PSEN1: variants seen among roughly 807,000 people sequenced by gnomAD.
PSEN1 encodes the protein presenilin 1.
Under a neutral mutation model 53.5 loss-of-function variants are expected in PSEN1, and 15 were observed. That is an observed-to-expected ratio of 0.28 (90% confidence interval 0.19 to 0.43). The LOEUF (loss-of-function observed/expected upper bound fraction) is 0.43. Among genes scored for constraint, PSEN1 ranks in the 20% least tolerant of loss-of-function variants. PSEN1 has a pLI of 1.00. For missense variants in PSEN1, 387 were observed against 571.2 expected (o/e 0.68, Z 3.29); for synonymous variants, 208 against 209.8 (o/e 0.99, Z 0.08).
chr14:73,210,158 C>T (rs1380770609), intron 9 of PSEN1, among the ~76,000 whole-genome samples: 1 of 152,086 alleles, frequency 6.6e-6, no homozygotes, highest in Non-Finnish European at 1.5e-5. Context: ...GAGAGATTAC[C>T]TGATGTGGTT....
At chr14:73,136,789 GGA>G (rs936243369) in intron 1 of PSEN1, 1 of 152,586 alleles carries the variant, frequency 6.6e-6, no homozygotes, top group African/African-American at 2.4e-5. Flanking sequence ...GCGGCCGGGT[GGA>G]GAGAGATTCC....
At chr14:73,173,896 T>TAATG (rs1897968202) in intron 5 of PSEN1, 189 bp downstream of exon 5, 1 of 728,648 alleles carries the variant, frequency 1.4e-6, no homozygotes, top group Non-Finnish European at 2.4e-6. Flanking sequence ...GGTGCATGTG[T>TAATG]AATGCCAGGC....
chr14:73,164,175 T>G (rs1380787202), intron 3 of PSEN1, among the ~76,000 whole-genome samples: 1 of 152,146 alleles, frequency 6.6e-6, no homozygotes, highest in Non-Finnish European at 1.5e-5. Context: ...ATTCCTAGAT[T>G]CGGGACTTCC....
At chr14:73,167,698 A>G (rs1897757203) in intron 3 of PSEN1, 1 of 150,870 alleles carries the variant, frequency 6.6e-6, no homozygotes, top group African/African-American at 2.4e-5. Context: ...CTGTGACATG[A>G]TAGGTATGCT....
chr14:73,157,844 G>A (rs1258019177), intron 3 of PSEN1, among the ~76,000 whole-genome samples: 1 of 152,030 alleles, frequency 6.6e-6, no homozygotes, highest in Non-Finnish European at 1.5e-5. Flanking sequence ...AAATTAGCCA[G>A]GGGTGGTGGC....
At chr14:73,169,585 T>C (rs1349585955) in intron 3 of PSEN1, 1 of 152,230 alleles carries the variant, frequency 6.6e-6, no homozygotes, top group African/African-American at 2.4e-5. Context: ...TTCCTTATGC[T>C]AGAAATCTCA....
intron 8 of PSEN1, among the ~76,000 whole-genome samples, chr14:73,200,374 A>G (rs1193170261): frequency 1.3e-5 from 2 of 151,958 alleles, no homozygotes; most frequent in Admixed American, 6.6e-5. Flanking sequence ...GGTTCAAGCA[A>G]TTCTCCTCTC....
At chr14:73,181,893 C>T (rs1003470370) in intron 5 of PSEN1, among the ~76,000 whole-genome samples, 4 of 152,142 alleles carry the variant, frequency 2.6e-5, no homozygotes, top group African/African-American at 9.7e-5. Context: ...CCCACCTCAA[C>T]CTCCATGGTA....
intron 11 of PSEN1, among the ~76,000 whole-genome samples, chr14:73,218,475 T>C (rs912396285): frequency 6.6e-6 from 1 of 152,232 alleles, no homozygotes; most frequent in African/African-American, 2.4e-5. Context: ...GAAGACTTTC[T>C]AGTGTTTCCG....
intron 8 of PSEN1, among the ~76,000 whole-genome samples, chr14:73,201,756 A>T (rs568547787): frequency 5.9e-5 from 9 of 151,838 alleles, no homozygotes; most frequent in East Asian, 1.9e-4. Context: ...TTATTTATTT[A>T]TTTTTTTTGA....
intron 1 of PSEN1, among the ~76,000 whole-genome samples, chr14:73,141,105 A>G (rs750602143): frequency 6.6e-6 from 1 of 152,228 alleles, no homozygotes; most frequent in Non-Finnish European, 1.5e-5. Flanking sequence ...GCATTGACCA[A>G]AGCAAGTCAC....
At chr14:73,168,345 ACT>A (rs1491317677) in intron 3 of PSEN1, 2 of 150,284 alleles carry the variant, frequency 1.3e-5, no homozygotes, top group Admixed American at 6.7e-5. Context: ...ACCGAGTGAG[ACT>A]CTGTCTCAAA....
At chr14:73,203,279 G>T (rs1313128293) in intron 8 of PSEN1, among the ~76,000 whole-genome samples, 1 of 151,930 alleles carries the variant, frequency 6.6e-6, no homozygotes, top group Non-Finnish European at 1.5e-5. Context: ...GTAGAGAGAG[G>T]GTTTCACCAT....
intron 3 of PSEN1, among the ~76,000 whole-genome samples, chr14:73,161,534 G>T (rs1293569904): frequency 6.6e-6 from 1 of 152,134 alleles, no homozygotes; most frequent in Non-Finnish European, 1.5e-5. Flanking sequence ...ACATTGAAAT[G>T]ATATGGATTA....
chr14:73,167,912 T>C (rs928005680), intron 3 of PSEN1: 1 of 151,700 alleles, frequency 6.6e-6, no homozygotes, highest in Non-Finnish European at 1.5e-5. Context: ...TATGATTTTA[T>C]GACCTTGATA....
chr14:73,184,502 C>T (rs868767612), intron 5 of PSEN1, among the ~76,000 whole-genome samples: 6,851 of 101,416 alleles, frequency 0.068, 377 homozygotes, highest in South Asian at 0.11. Context: ...GACGGGGCGG[C>T]TGGCCGGGCG....
chr14:73,209,668 G>A (rs918773689), intron 9 of PSEN1, among the ~76,000 whole-genome samples: 6 of 152,188 alleles, frequency 3.9e-5, no homozygotes, highest in Non-Finnish European at 5.9e-5. Context: ...CAAAGAAGAC[G>A]TATAAGTTGC....
At position 73,170,989 on chromosome 14, in the gene PSEN1, G is replaced by A. The variant is rs63750831; in HGVS notation, c.280G>A (p.Val94Met). The A allele has an allele frequency of 5.0e-6, 8 of 1,614,234 alleles. No individual in the cohort carries two copies. In the Admixed American group the frequency reaches 5.0e-5, roughly 10 times the overall value. The change falls in exon 4 of 12, where the codon GTG (valine) becomes ATG (methionine). Residue 94 changes from valine (V) to methionine (M), a missense_variant. By Grantham distance (21) the Val-to-Met change is conservative. Coordinates refer to ENST00000324501, the MANE Select transcript of PSEN1 (RefSeq NM_000021.4). ...CTTTGTCCCTGTGACTCTCTGCATG[G>A]TGGTGGTCGTGGCTACCATTAAGTC... ...MLFVPVTLCM[V>M]VVVATIKSVS...
rs531608522 is a variant in PSEN1 at position 73,155,497 on chromosome 14, A to G, written c.87+7391A>G. ...ATATGTCTAGCATAGAATCAAATAT[A>G]TATTATCATTATTATTTTTTTTTTG... On this transcript the variant is annotated intron_variant, in intron 3 of 11. Coordinates refer to ENST00000324501, the MANE Select transcript of PSEN1 (RefSeq NM_000021.4). 2.1e-4 allele frequency among the ~76,000 whole-genome samples: 32 copies of G among 152,182 alleles called. 1 individual carries two copies. In the South Asian group the frequency reaches 5.4e-3, roughly 26 times the overall value.
Sources: gnomAD v4.1 joint callset for allele counts (sites outside exome capture counted in the v4.1 genomes callset) on GRCh38, gnomAD v4.1.1 for gene constraint, MANE v1.5 for transcripts, NCBI Gene and HGNC (gene_info 2026-07-23, HGNC 2026-07-21) for gene names.